The following ZFTRAF1 variants were observed in gnomAD, a reference collection of about 807,000 sequenced individuals.
ZFTRAF1 encodes zinc finger TRAF-type-containing protein 1.
At chr8:144,453,019 A>AT in the ZFTRAF1 span, among the ~76,000 whole-genome samples, 3 of 152,348 alleles carry the variant, frequency 2.0e-5, no homozygotes, top group South Asian at 6.2e-4. Flanking sequence ...TCATGTCCGG[A>AT]TAACAACTGG....
the ZFTRAF1 span, chr8:144,452,323 C>T: frequency 3.2e-6 from 5 of 1,543,338 alleles, no homozygotes; most frequent in Middle Eastern, 1.7e-4. Context: ...CCAACCCACA[C>T]CTGTGTGGCA....
chr8:144,457,078 A>G, the ZFTRAF1 span: 1 of 151,746 alleles, frequency 6.6e-6, no homozygotes, highest in African/African-American at 2.4e-5. Flanking sequence ...GGATGACATT[A>G]AAAGAGGTAT....
At chr8:144,450,047 T>C in the ZFTRAF1 span, 1 of 354,188 alleles carries the variant, frequency 2.8e-6, no homozygotes, top group Non-Finnish European at 5.3e-6. Context: ...GCCGCCTGAC[T>C]GCACAGAAGG....
the ZFTRAF1 span, among the ~76,000 whole-genome samples, chr8:144,461,478 C>T: frequency 2.0e-5 from 3 of 152,164 alleles, no homozygotes; most frequent in Non-Finnish European, 2.9e-5. Context: ...CCCTAGGCTG[C>T]TTAAGGGCTG....
At chr8:144,459,722 G>A in the ZFTRAF1 span, among the ~76,000 whole-genome samples, 1 of 152,210 alleles carries the variant, frequency 6.6e-6, no homozygotes, top group Non-Finnish European at 1.5e-5. Context: ...CAGTGCCAGG[G>A]AGAACACACA....
At chr8:144,462,211 C>T in the ZFTRAF1 span, 2 of 461,964 alleles carry the variant, frequency 4.3e-6, no homozygotes, top group East Asian at 8.3e-5. Flanking sequence ...CGAGGAGACG[C>T]GGATCCTGGG....
the ZFTRAF1 span, chr8:144,451,013 G>A: frequency 7.7e-6 from 4 of 517,056 alleles, no homozygotes; most frequent in Non-Finnish European, 1.4e-5. Context: ...TCCAGAGGCT[G>A]CACGTGTCAG....
the ZFTRAF1 span, among the ~76,000 whole-genome samples, chr8:144,460,855 G>A: frequency 6.6e-6 from 1 of 152,144 alleles, no homozygotes; most frequent in Non-Finnish European, 1.5e-5. Flanking sequence ...CTTCACTCCA[G>A]CCTGGGTGAC....
the ZFTRAF1 span, chr8:144,452,234 G>A: frequency 8.9e-7 from 1 of 1,122,122 alleles, no homozygotes; most frequent in Non-Finnish European, 1.3e-6. Context: ...CCGGGAGCTT[G>A]TCCAGAGCCC....
the ZFTRAF1 span, among the ~76,000 whole-genome samples, chr8:144,452,998 G>C: frequency 6.6e-6 from 1 of 152,232 alleles, no homozygotes; most frequent in Non-Finnish European, 1.5e-5. Flanking sequence ...AAGAGCACTG[G>C]AAGGCTAGGC....
chr8:144,458,857 G>A, the ZFTRAF1 span, among the ~76,000 whole-genome samples: 2 of 152,250 alleles, frequency 1.3e-5, no homozygotes, highest in African/African-American at 4.8e-5. Flanking sequence ...AGGGCACTGT[G>A]CAGGGCCGAG....
the ZFTRAF1 span, chr8:144,453,737 G>A: frequency 2.6e-6 from 1 of 384,616 alleles, no homozygotes; most frequent in Non-Finnish European, 4.8e-6. Context: ...GGCAGTGACG[G>A]GTTCAGCCAC....
chr8:144,450,789 C>G, the ZFTRAF1 span: 1 of 678,288 alleles, frequency 1.5e-6, no homozygotes, highest in South Asian at 1.6e-5. Flanking sequence ...ACAGACAGGG[C>G]CGGAAAGAGC....
chr8:144,460,132 G>A, the ZFTRAF1 span, among the ~76,000 whole-genome samples: 2,158 of 152,304 alleles, frequency 0.014, 41 homozygotes, highest in African/African-American at 0.045. Flanking sequence ...GCCACCCGCC[G>A]GAGGTGTTCT....
chr8:144,462,115 G>A, the ZFTRAF1 span, among the ~76,000 whole-genome samples: 3 of 152,190 alleles, frequency 2.0e-5, no homozygotes, highest in Admixed American at 1.3e-4. Context: ...GAGCTTCGGA[G>A]CAGCCGCTGG....
chr8:144,457,589 C>G, the ZFTRAF1 span: 10 of 152,250 alleles, frequency 6.6e-5, no homozygotes, highest in Admixed American at 3.9e-4. Flanking sequence ...AGCCCTCCCC[C>G]CTGCTGGCTA....
the ZFTRAF1 span, chr8:144,452,275 CAGAGCCT>C: frequency 5.5e-6 from 8 of 1,456,574 alleles, no homozygotes; most frequent in South Asian, 8.5e-5. Context: ...GCCCAGTGCC[CAGAGCCT>C]GCTGCCCCCA....
At chr8:144,450,178 G>C in the ZFTRAF1 span, 1 of 563,766 alleles carries the variant, frequency 1.8e-6, no homozygotes, top group Non-Finnish European at 3.2e-6. Context: ...TCGGAAGGAG[G>C]GGAGGCAGGG....
At chr8:144,457,623 G>A in the ZFTRAF1 span, 1 of 152,200 alleles carries the variant, frequency 6.6e-6, no homozygotes, top group Non-Finnish European at 1.5e-5. Flanking sequence ...TGACCCCCAT[G>A]CAGACCCAGG....
Sources: gnomAD v4.1 joint callset for allele counts (sites outside exome capture counted in the v4.1 genomes callset) on GRCh38, gnomAD v4.1.1 for gene constraint, MANE v1.5 for transcripts, NCBI Gene and HGNC (gene_info 2026-07-23, HGNC 2026-07-21) for gene names.